The following NGFR variants were observed in gnomAD, a reference collection of about 807,000 sequenced individuals.
NGFR encodes the protein tumor necrosis factor receptor superfamily member 16.
NGFR carries 30 observed loss-of-function variants against 43.2 expected under a neutral mutation model. That is an observed-to-expected ratio of 0.69 (90% CI 0.52 to 0.94). The LOEUF (loss-of-function observed/expected upper bound fraction) is 0.94. Among genes scored for constraint, NGFR ranks in the 40% least tolerant of loss-of-function variants. The probability of loss-of-function intolerance (pLI) is 0.00; values close to 1 mark genes in which losing one functional copy is unlikely to be tolerated. For synonymous variants in NGFR, 246 were observed against 259.6 expected (o/e 0.95, Z 0.50); for missense variants, 529 against 602.5 (o/e 0.88, Z 1.28).
At chr17:49,509,560 G>A (rs3785930) in intron 3 of NGFR, among the ~76,000 whole-genome samples, 11,604 of 152,276 alleles carry the variant, frequency 0.076, 554 homozygotes, top group South Asian at 0.13. Flanking sequence ...GCATGAGAGG[G>A]TCTAGGTGGG....
chr17:49,513,084 C>T lies in NGFR; in HGVS notation c.*75C>T. On this transcript the variant is annotated 3_prime_UTR_variant, in exon 6 of 6. Transcript: ENST00000172229. ...CCAGCCAACCCCTGTGGAGCCCGCA[C>T]CCCCACCCTTTGGGGGGGGCCCGCC... 1 of 1,408,108 alleles carries T rather than the reference C, an allele frequency of 7.1e-7. No homozygotes were observed. The highest frequency in any genetic ancestry group is 9.3e-7 in the Non-Finnish European group (1 of 1,071,240). 87.2% of individuals were successfully genotyped at this position (1,408,108 alleles called of 1,614,324 possible). A position where few individuals can be genotyped will look rare whatever the true frequency, so the allele number is the denominator to read the frequency against.
intron 4 of NGFR, 51 bp downstream of exon 4, chr17:49,510,715 A>T: frequency 3.8e-6 from 6 of 1,599,152 alleles, no homozygotes; most frequent in Non-Finnish European, 5.1e-6. Context: ...GCCCTCAAGG[A>T]AGACTTTGCT....
chr17:49,510,986 C>T (rs781511473), intron 4 of NGFR: 6 of 336,850 alleles, frequency 1.8e-5, no homozygotes, highest in South Asian at 4.2e-5. Context: ...CAGTCACCTG[C>T]GTGTGCATAT....
At chr17:49,506,706 TG>T in intron 3 of NGFR, 48 bp downstream of exon 3, 1 of 524,486 alleles carries the variant, frequency 1.9e-6, no homozygotes, top group East Asian at 5.6e-5. Context: ...GGGGGTGGGC[TG>T]GGGGCATAAG....
chr17:49,506,699 G>GGGGGGCC, intron 3 of NGFR, 41 bp downstream of exon 3: 2 of 402,094 alleles, frequency 5.0e-6, no homozygotes, highest in Non-Finnish European at 8.5e-6. Flanking sequence ...GGGGTGCGGG[G>GGGGGGCC]GTGGGCTGGG....
chr17:49,508,202 A>G (rs1054614355), intron 3 of NGFR, among the ~76,000 whole-genome samples: 6 of 152,242 alleles, frequency 3.9e-5, no homozygotes, highest in Non-Finnish European at 8.8e-5. Flanking sequence ...GCAGCCAGGC[A>G]TCAGGCAAGC....
chr17:49,503,560 C>A (rs1170268431), intron 2 of NGFR, among the ~76,000 whole-genome samples: 1 of 152,176 alleles, frequency 6.6e-6, no homozygotes, highest in Non-Finnish European at 1.5e-5. Context: ...GGATGTCCCC[C>A]CTGAGTCTAT....
chr17:49,512,717 G>T lies in NGFR; in HGVS notation c.992G>T (p.Gly331Val). 1 of 1,600,008 alleles carries T rather than the reference G, an allele frequency of 6.2e-7. No homozygotes were observed. Among genetic ancestry groups the T allele is most frequent in the Non-Finnish European group, 8.5e-7 (1 of 1,172,950 alleles). Residue 331 changes from glycine to valine, a missense_variant, in exon 6 of 6, where the codon GGT (glycine) becomes GTT (valine). By Grantham distance (109) the Gly-to-Val change is moderately radical. Transcript: ENST00000172229. The surrounding 1 kb of genome is among the most constrained non-coding windows in gnomAD (Gnocchi z 5.2). ...TCTGGTTTCTCTGCAGCCCTCAAGG[G>T]TGACGGAGGCCTCTACAGCAGCCTG... ...TQTASGQALK[G>V]DGGLYSSLPP...
At chr17:49,506,222 G>A in intron 2 of NGFR, 77 bp from the exon 3 acceptor site, 1 of 1,501,158 alleles carries the variant, frequency 6.7e-7, no homozygotes, top group South Asian at 1.3e-5. Flanking sequence ...AGGCAATAGG[G>A]GAGGGAGAGA....
rs747317491 is a variant in NGFR, at chr17:49,510,592, A to G, written c.749A>G (p.Asn250Ser). The change falls in exon 4 of 6, where the codon AAC becomes AGC. Residue 250 changes from asparagine (N) to serine (S), a missense_variant. Asn to Ser is a conservative substitution (Grantham distance 46). Transcript: ENST00000172229. ...QPVVTRGTTDNLIPVYCSILA... is the reference protein window; with the variant it reads ...QPVVTRGTTDSLIPVYCSILA... ...GTGGTGACCCGAGGCACCACCGACA[A>G]CCTCATCCCTGTCTATTGCTCCATC... is the stretch of plus-strand genomic sequence containing the variant. 1.9e-6 allele frequency: 3 copies of G among 1,613,858 alleles called. No individual in the cohort carries two copies. The highest frequency in any genetic ancestry group is 2.5e-6 in the Non-Finnish European group (3 of 1,179,930).
chr17:49,505,203 A>AC lies in NGFR; in HGVS notation c.209-1090dup, dbSNP rs375730522. ...TCTGATGCCTTTGAATAATGTTGAGACCCCCCTACAGGCCTCAGTTTCCCC... is the reference window on the plus strand; with the variant it reads ...TCTGATGCCTTTGAATAATGTTGAGACCCCCCCTACAGGCCTCAGTTTCCCC... On this transcript the variant is annotated intron_variant, in intron 2 of 5. Coordinates refer to ENST00000172229, the MANE Select transcript of NGFR (RefSeq NM_002507.4). Among the ~76,000 whole-genome samples, 1,137 of 147,600 alleles carry AC rather than the reference A, an allele frequency of 7.7e-3. 19 individuals carry two copies. Among genetic ancestry groups the AC allele is most frequent in the African/African-American group, 0.027 (1,074 of 39,742 alleles).
intron 1 of NGFR, 63 bp from the exon 2 acceptor site, chr17:49,502,000 A>AACCCCCCCCCCCCC: frequency 3.8e-6 from 1 of 264,886 alleles, no homozygotes; most frequent in Non-Finnish European, 7.9e-6. Flanking sequence ...CCCCGGAAGA[A>AACCCCCCCCCCCCC]CCCCCCCCAA....
Position 49,512,674 on chromosome 17 carries a change from G to A in NGFR, c.983-34G>A. ...CCACTGTTGGGGAAAGGAGTTCAGGGGTAGGACCTGACTCTCCTCTGGTTT... is the reference window on the plus strand; with the variant it reads ...CCACTGTTGGGGAAAGGAGTTCAGGAGTAGGACCTGACTCTCCTCTGGTTT... On this transcript the variant is annotated intron_variant, in intron 5 of 5. Transcript: ENST00000172229. The surrounding 1 kb of genome is among the most constrained non-coding windows in gnomAD (Gnocchi z 5.2). 1 of 1,545,488 alleles carries A rather than the reference G, an allele frequency of 6.5e-7. No homozygotes were observed. The highest frequency in any genetic ancestry group is 8.7e-7 in the Non-Finnish European group (1 of 1,143,798).
At position 49,512,069 on chromosome 17, in the gene NGFR, T is replaced by A. The variant is rs2071236802; in HGVS notation, c.982+17T>A. On this transcript the variant is annotated intron_variant, in intron 5 of 5. Transcript: ENST00000172229. This position sits in a 1 kb window ranked among gnomAD's most constrained non-coding sequence, Gnocchi z 5.2. The stretch of plus-strand genomic sequence containing the variant: ...CGGGCCAGGGTGAGCAGCGGCCCGC[T>A]GGGGAGCTGAGGCGGAGCTGAGGCT... The A allele has an allele frequency of 6.2e-7, 1 of 1,609,378 alleles. No individual in the cohort carries two copies. The highest frequency in any genetic ancestry group is 8.5e-7 in the Non-Finnish European group (1 of 1,177,690).
chr17:49,507,892 C>T (rs1454495793), intron 3 of NGFR, among the ~76,000 whole-genome samples: 3 of 152,198 alleles, frequency 2.0e-5, no homozygotes, highest in African/African-American at 4.8e-5. Context: ...AGAGATCCCC[C>T]ATTCTGATGG....
At position 49,513,300 on chromosome 17, in the gene NGFR, A is replaced by C; in HGVS notation, c.*291A>C. ...CAGGCCACCTGCCCCCTTCTCCCAC[A>C]CTGCTAGGTGGGCCAGCCCCTCCCA... On this transcript the variant is annotated 3_prime_UTR_variant, in exon 6 of 6. Coordinates refer to ENST00000172229, the MANE Select transcript of NGFR (RefSeq NM_002507.4). 2 of 436,868 alleles carry C rather than the reference A, an allele frequency of 4.6e-6. No homozygotes were observed. The highest frequency in any genetic ancestry group is 8.2e-6 in the Non-Finnish European group (2 of 244,482). The allele number at this position is 436,868 out of a possible 1,614,324, so 27.1% of individuals were successfully genotyped here.
At chr17:49,505,279 G>A (rs1277652229) in intron 2 of NGFR, among the ~76,000 whole-genome samples, 2 of 152,100 alleles carry the variant, frequency 1.3e-5, no homozygotes, top group African/African-American at 2.4e-5. Flanking sequence ...TGAACAATCT[G>A]TCCTTCCCTG....
intron 3 of NGFR, among the ~76,000 whole-genome samples, chr17:49,509,794 C>T (rs1011374477): frequency 6.6e-6 from 1 of 152,162 alleles, no homozygotes; most frequent in Admixed American, 6.5e-5. Context: ...CAGCTGCCCC[C>T]GCACCCCTCC....
At chr17:49,506,020 A>C (rs1214621235) in intron 2 of NGFR, 2 of 483,452 alleles carry the variant, frequency 4.1e-6, no homozygotes, top group Non-Finnish European at 7.2e-6. Flanking sequence ...CAAGAAACTT[A>C]GCGGCACCAG....
Sources: gnomAD v4.1 joint callset for allele counts (sites outside exome capture counted in the v4.1 genomes callset) on GRCh38, gnomAD v4.1.1 for gene constraint, Gnocchi (gnomAD v3.1) non-coding constraint, MANE v1.5 for transcripts, NCBI Gene and HGNC (gene_info 2026-07-23, HGNC 2026-07-21) for gene names.